Variants in ZNF45 observed in about 807,000 individuals in gnomAD.
ZNF45 encodes the protein BRC1744.
ZNF45 carries 4 observed loss-of-function variants against 12.0 expected under a neutral mutation model. That is an observed-to-expected ratio of 0.33 (90% CI 0.16 to 0.76). ZNF45 has a LOEUF of 0.76. ZNF45 is among the 30% of genes least tolerant of loss of function. The pLI is 0.60. For synonymous variants in ZNF45, 272 were observed against 279.6 expected (o/e 0.97, Z 0.27); for missense variants, 700 against 813.0 (o/e 0.86, Z 1.69).
intron 6 of ZNF45, 42 bp from the exon 7 acceptor site, chr19:43,922,259 C>G: frequency 6.9e-7 from 1 of 1,439,858 alleles, no homozygotes; most frequent in Middle Eastern, 1.8e-4. Context: ...GAGAAAAAAG[C>G]CATGAGAGTT....
At chr19:43,928,181 C>CA (rs71338710) in intron 3 of ZNF45, among the ~76,000 whole-genome samples, 14,142 of 93,740 alleles carry the variant, frequency 0.15, 1,552 homozygotes, top group African/African-American at 0.3. Flanking sequence ...AACTCTGTCT[C>CA]AAAAAAAAAA....
intron 7 of ZNF45, among the ~76,000 whole-genome samples, chr19:43,920,548 C>G (rs1458422590): frequency 2.0e-4 from 7 of 35,304 alleles, no homozygotes; most frequent in East Asian, 1.1e-3. Flanking sequence ...GGGGGGGGGG[C>G]AGTGGGCGGT....
intron 7 of ZNF45, among the ~76,000 whole-genome samples, chr19:43,921,016 G>A (rs1053607199): frequency 1.3e-5 from 2 of 152,200 alleles, no homozygotes; most frequent in Non-Finnish European, 2.9e-5. Flanking sequence ...GGCCACTGGA[G>A]AGTGAATCGA....
intron 7 of ZNF45, among the ~76,000 whole-genome samples, chr19:43,920,076 G>A (rs1973006012): frequency 6.6e-6 from 1 of 151,958 alleles, no homozygotes; most frequent in Non-Finnish European, 1.5e-5. Flanking sequence ...CCATACCATA[G>A]ATAACACTGA....
At chr19:43,917,192 T>C (rs147831144) in intron 9 of ZNF45, among the ~76,000 whole-genome samples, 1 of 152,310 alleles carries the variant, frequency 6.6e-6, no homozygotes, top group African/African-American at 2.4e-5. Flanking sequence ...AAGCAAGAAA[T>C]GTATTTCTCC....
At position 43,913,813 on chromosome 19, in the gene ZNF45, T is replaced by G. The variant is rs1972401878; in HGVS notation, c.1623A>C (p.Ser541=). Residue 541 remains serine, a synonymous_variant, in exon 10 of 10, where the codon TCA becomes TCC. Coordinates refer to ENST00000269973, the MANE Select transcript of ZNF45 (RefSeq NM_003425.4). ...GGCACCTCTGATGGGCTTGAAGCTG[T>G]GAACCTACACTGAAGCCCTTCCCAC... ...AECGKGFSVG[S]QLQAHQRCHT... 10 of 1,613,778 alleles carry G rather than the reference T, an allele frequency of 6.2e-6. No homozygotes were observed. The East Asian group carries it at 2.2e-4, about 36-fold the overall frequency.
rs1412883557 is a variant in ZNF45, at chr19:43,913,222, A to G, written c.*165T>C. 19 of 657,370 alleles carry G rather than the reference A, an allele frequency of 2.9e-5. No individual in the cohort carries two copies. Among genetic ancestry groups the G allele is most frequent in the Middle Eastern group, 3.6e-4 (1 of 2,744 alleles). The allele number at this position is 657,370 out of a possible 1,614,324, so 40.7% of individuals were successfully genotyped here. A position where few individuals can be genotyped will look rare whatever the true frequency, so the allele number is the denominator to read the frequency against. The stretch of plus-strand genomic sequence containing the variant: ...GTCTGCATGTATCAGCTAATGGTCA[A>G]TGTTCTGAATGCAGTCCATATGTCT... On this transcript the variant is annotated 3_prime_UTR_variant, in exon 10 of 10. Transcript: ENST00000269973.
At chr19:43,918,627 C>T (rs535487730) in intron 9 of ZNF45, among the ~76,000 whole-genome samples, 136 of 152,238 alleles carry the variant, frequency 8.9e-4, no homozygotes, top group African/African-American at 3.2e-3. Flanking sequence ...AATAAAATTC[C>T]GTTGTTTATA....
chr19:43,913,834 C>T lies in ZNF45; in HGVS notation c.1602G>A (p.Gly534=). 6.2e-7 allele frequency: 1 copy of T among 1,611,932 alleles called. No homozygotes were observed. Among genetic ancestry groups the T allele is most frequent in the Non-Finnish European group, 8.5e-7 (1 of 1,179,450 alleles). The change falls in exon 10 of 10, where the codon GGG becomes GGA. Residue 534 remains glycine, a synonymous_variant. Transcript: ENST00000269973. The part of the protein sequence containing the change: ...GEKPYQCAEC[G]KGFSVGSQLQ... Reference sequence around the variant, plus strand: ...GCTGTGAACCTACACTGAAGCCCTTCCCACACTCTGCACACTGATATGGTT... The same window carrying T: ...GCTGTGAACCTACACTGAAGCCCTTTCCACACTCTGCACACTGATATGGTT...
chr19:43,931,393 G>C (rs758989857), intron 3 of ZNF45: 3 of 152,126 alleles, frequency 2.0e-5, no homozygotes, highest in Non-Finnish European at 4.4e-5. Flanking sequence ...AAATTAGCTG[G>C]GTGTGGTGGC....
At chr19:43,930,520 A>G (rs1040183344) in intron 3 of ZNF45, among the ~76,000 whole-genome samples, 32 of 152,350 alleles carry the variant, frequency 2.1e-4, no homozygotes, top group African/African-American at 5.3e-4. Flanking sequence ...TGCCTCTTAA[A>G]GAGTTGACGG....
At chr19:43,918,993 T>A in intron 8 of ZNF45, 31 bp from the exon 9 acceptor site, 1 of 1,588,872 alleles carries the variant, frequency 6.3e-7, no homozygotes, top group East Asian at 2.2e-5. Context: ...AGGTTTATAA[T>A]TAATACATCA....
Position 43,913,313 on chromosome 19 carries a change from A to T in ZNF45, c.*74T>A. On this transcript the variant is annotated 3_prime_UTR_variant, in exon 10 of 10. Transcript: ENST00000269973. ...ACTTGGCTGAACTACTGACTCTATA[A>T]AACAAATGTTTTGTCTATGATAGCT... 1 of 1,501,808 alleles carries T rather than the reference A, an allele frequency of 6.7e-7. No homozygotes were observed. The highest frequency in any genetic ancestry group is 8.9e-7 in the Non-Finnish European group (1 of 1,126,218). 93.0% of individuals were successfully genotyped at this position (1,501,808 alleles called of 1,614,324 possible).
intron 6 of ZNF45, 149 bp from the exon 7 acceptor site, chr19:43,922,366 C>T (rs1277232560): frequency 3.5e-6 from 2 of 566,428 alleles, no homozygotes; most frequent in African/African-American, 3.7e-5. Context: ...GCTTGATGAA[C>T]AGAAACTAGG....
chr19:43,922,035 C>G, intron 7 of ZNF45, 136 bp downstream of exon 7: 1 of 720,288 alleles, frequency 1.4e-6, no homozygotes, highest in Non-Finnish European at 2.1e-6. Context: ...AAGTAAAAAG[C>G]AGCAAGCATT....
intron 9 of ZNF45, among the ~76,000 whole-genome samples, chr19:43,916,863 C>A (rs1972724530): frequency 6.6e-6 from 1 of 151,222 alleles, no homozygotes; most frequent in Non-Finnish European, 1.5e-5. Context: ...ATGCTGATCA[C>A]AAAATCATGG....
rs571104059 is a variant in ZNF45 at position 43,925,735 on chromosome 19, C to T, written c.-399-277G>A. Reference sequence around the variant, plus strand: ...CTTCCGGGTTCAAAAGATTATCCTGCCTCAGCCTCCCCAGTAGCTGGATTA... The same window carrying T: ...CTTCCGGGTTCAAAAGATTATCCTGTCTCAGCCTCCCCAGTAGCTGGATTA... On this transcript the variant is annotated intron_variant, in intron 3 of 9. Coordinates refer to ENST00000269973, the MANE Select transcript of ZNF45 (RefSeq NM_003425.4). Among the ~76,000 whole-genome samples the T allele has an allele frequency of 1.9e-4, 29 of 152,278 alleles. No homozygotes were observed. In the East Asian group the frequency reaches 5.4e-3, roughly 28 times the overall value.
chr19:43,929,903 T>C (rs1973985877), intron 3 of ZNF45: 1 of 152,232 alleles, frequency 6.6e-6, no homozygotes, highest in East Asian at 1.9e-4. Flanking sequence ...ATGTGACTAA[T>C]AAACTGCTAC....
At chr19:43,919,862 T>A in intron 7 of ZNF45, 163 bp from the exon 8 acceptor site, 2 of 676,676 alleles carry the variant, frequency 3.0e-6, no homozygotes, top group South Asian at 4.9e-5. Flanking sequence ...GTATTATATT[T>A]TAGGTTTTTC....
Sources: allele counts gnomAD v4.1 joint callset (sites outside exome capture counted in the v4.1 genomes callset), GRCh38; gene constraint gnomAD v4.1.1; transcripts MANE v1.5; gene names NCBI Gene and HGNC (gene_info 2026-07-23, HGNC 2026-07-21).